The following COL19A1 variants were observed in gnomAD, a reference collection of about 807,000 sequenced individuals.
COL19A1 encodes collagen type XIX alpha 1 chain, also known as collagen alpha-1(XIX) chain.
COL19A1 carries 159 observed loss-of-function variants against 190.2 expected under a neutral mutation model. That is an observed-to-expected ratio of 0.84 (90% CI 0.73 to 0.95). The LOEUF is 0.95. Ranked by LOEUF, COL19A1 falls within the 40% of genes least tolerant of loss-of-function variation. COL19A1 has a pLI of 0.00. For missense variants in COL19A1, 1,418 were observed against 1,431.9 expected, an observed-to-expected ratio of 0.99 and a Z score of 0.16; for synonymous variants, 509 against 458.9, an observed-to-expected ratio of 1.11 and a Z score of -1.39.
intron 14 of COL19A1, among the ~76,000 whole-genome samples, chr6:70,056,847 A>T (rs1369606031): frequency 3.9e-5 from 6 of 152,212 alleles, no homozygotes; most frequent in African/African-American, 1.4e-4. Context: ...ACCTCACTCA[A>T]TTGCAAATTG....
rs541588326 is a variant in COL19A1 at position 69,894,947 on chromosome 6, G to T, written c.92-4001G>T. ...TATCTTTAAGGCTTAACTGCTGATG[G>T]AGTGGAGAGGAGGAAAGAAAAAACA... On this transcript the variant is annotated intron_variant, in intron 2 of 50. Coordinates refer to ENST00000620364, the MANE Select transcript of COL19A1 (RefSeq NM_001858.6). 2.6e-5 allele frequency among the ~76,000 whole-genome samples: 4 copies of T among 152,340 alleles called. No individual in the cohort carries two copies. The South Asian group carries it at 8.3e-4, about 32-fold the overall frequency.
Position 69,921,481 on chromosome 6 carries a change from T to TATATATTCATATATTCATATATATTC in COL19A1, c.267-6414_267-6413insTCATATATATTCATATATTCATATAT, listed in dbSNP as rs747073634. ...TATATCATATATATTCATATATTCA[T>TATATATTCATATATTCATATATATTC]ATATATTCATATATATTCATATATA... On this transcript the variant is annotated intron_variant, in intron 4 of 50. Coordinates refer to ENST00000620364, the MANE Select transcript of COL19A1 (RefSeq NM_001858.6). Among the ~76,000 whole-genome samples, 108 of 86,416 alleles carry TATATATTCATATATTCATATATATTC rather than the reference T, an allele frequency of 1.2e-3. 9 individuals carry two copies. The East Asian group carries it at 0.026, about 21-fold the overall frequency. 56.7% of individuals were successfully genotyped at this position (86,416 alleles called of 152,430 possible). A position where few individuals can be genotyped will look rare whatever the true frequency, so the allele number is the denominator to read the frequency against.
chr6:69,983,486 C>A (rs1776158560), intron 11 of COL19A1, among the ~76,000 whole-genome samples: 2 of 152,034 alleles, frequency 1.3e-5, no homozygotes, highest in African/African-American at 4.8e-5. Context: ...ATTTTACTGA[C>A]TAGGACCTCC....
rs150769009 is a variant in COL19A1, at chr6:69,899,035, A to G, written c.166+13A>G. On this transcript the variant is annotated intron_variant, in intron 3 of 50. Transcript: ENST00000620364. ...CTTGAAGTTTCAGGTAGGCAATATAATCCTTTGCAAAGTAATATTTTATGT... is the reference window on the plus strand; with the variant it reads ...CTTGAAGTTTCAGGTAGGCAATATAGTCCTTTGCAAAGTAATATTTTATGT... 1.8e-5 allele frequency: 28 copies of G among 1,551,234 alleles called. No homozygotes were observed. In the African/African-American group the frequency reaches 3.5e-4, roughly 20 times the overall value.
At chr6:70,202,098 C>T (rs1348326779) in intron 49 of COL19A1, among the ~76,000 whole-genome samples, 2 of 152,140 alleles carry the variant, frequency 1.3e-5, no homozygotes, top group Non-Finnish European at 2.9e-5. Context: ...CTCTTAATGA[C>T]ACAGCATGAC....
intron 31 of COL19A1, 97 bp downstream of exon 31, chr6:70,151,535 C>G (rs1787057555): frequency 1.7e-6 from 2 of 1,163,250 alleles, no homozygotes; most frequent in African/African-American, 1.5e-5. Context: ...TTAGCTGGAA[C>G]TAAAATTCAA....
chr6:70,119,505 G>A (rs1180967608), intron 16 of COL19A1, among the ~76,000 whole-genome samples: 1 of 152,128 alleles, frequency 6.6e-6, no homozygotes, highest in Non-Finnish European at 1.5e-5. Context: ...GTATTCTCTA[G>A]GGTACACACA....
At chr6:69,894,175 G>A (rs548402826) in intron 2 of COL19A1, among the ~76,000 whole-genome samples, 1 of 152,294 alleles carries the variant, frequency 6.6e-6, no homozygotes, top group East Asian at 1.9e-4. Flanking sequence ...ATATTTTATG[G>A]AATTTGACTC....
intron 9 of COL19A1, among the ~76,000 whole-genome samples, chr6:69,951,751 C>T (rs1274534406): frequency 6.6e-6 from 1 of 151,812 alleles, no homozygotes; most frequent in African/African-American, 2.4e-5. Context: ...CTTACAACAC[C>T]CCTGTGAGGT....
At chr6:70,119,400 A>G (rs1177103302) in intron 16 of COL19A1, among the ~76,000 whole-genome samples, 1 of 152,172 alleles carries the variant, frequency 6.6e-6, no homozygotes, top group Non-Finnish European at 1.5e-5. Context: ...TGCACCAAGC[A>G]CTGTGAAGTA....
At position 69,911,506 on chromosome 6, in the gene COL19A1, A is replaced by G. The variant is rs1427328953; in HGVS notation, c.266+11168A>G. 2.0e-5 allele frequency among the ~76,000 whole-genome samples: 3 copies of G among 152,252 alleles called. 1 individual carries two copies. The highest frequency in any genetic ancestry group is 1.3e-4 in the Admixed American group (2 of 15,288). The stretch of plus-strand genomic sequence containing the variant: ...TATATCTAAGTAATTTGGAAACATC[A>G]TAAGTTCAGTGAAAATGTTAATATG... On this transcript the variant is annotated intron_variant, in intron 4 of 50. Coordinates refer to ENST00000620364, the MANE Select transcript of COL19A1 (RefSeq NM_001858.6).
At chr6:70,026,145 A>G (rs1483919334) in intron 12 of COL19A1, among the ~76,000 whole-genome samples, 1 of 152,218 alleles carries the variant, frequency 6.6e-6, no homozygotes, top group East Asian at 1.9e-4. Flanking sequence ...CTAGAAAGAT[A>G]TTTGAGAGGT....
At chr6:70,186,754 A>G (rs531309684) in intron 46 of COL19A1, among the ~76,000 whole-genome samples, 1 of 152,190 alleles carries the variant, frequency 6.6e-6, no homozygotes, top group Non-Finnish European at 1.5e-5. Flanking sequence ...ACAAACACAT[A>G]CAGTAGTAGA....
At chr6:70,082,479 C>A (rs1250983432) in intron 15 of COL19A1, among the ~76,000 whole-genome samples, 1 of 151,996 alleles carries the variant, frequency 6.6e-6, no homozygotes, top group Non-Finnish European at 1.5e-5. Flanking sequence ...GTGGTGCGAT[C>A]TTGGCTCACT....
At chr6:70,130,308 C>T in intron 18 of COL19A1, 85 bp downstream of exon 18, 2 of 1,111,414 alleles carry the variant, frequency 1.8e-6, no homozygotes, top group Non-Finnish European at 1.3e-6. Flanking sequence ...TCACTATAAC[C>T]TCCACCTCCC....
intron 11 of COL19A1, among the ~76,000 whole-genome samples, chr6:69,990,757 C>T (rs2150073816): frequency 6.6e-6 from 1 of 152,130 alleles, no homozygotes; most frequent in South Asian, 2.1e-4. Context: ...CCAAGAGCCA[C>T]ATAATGTCTG....
At chr6:70,097,780 C>T (rs1783376235) in intron 15 of COL19A1, among the ~76,000 whole-genome samples, 1 of 152,020 alleles carries the variant, frequency 6.6e-6, no homozygotes, top group South Asian at 2.1e-4. Flanking sequence ...TGGATTAGCC[C>T]AGTTATAATA....
intron 15 of COL19A1, among the ~76,000 whole-genome samples, chr6:70,099,363 CAT>C (rs1783486046): frequency 6.6e-6 from 1 of 152,162 alleles, no homozygotes; most frequent in Admixed American, 6.6e-5. Context: ...CCTGACCTCA[CAT>C]GACAGGTTGC....
chr6:70,113,842 CTTTTTTTTTTTTTTT>C (rs34876942), intron 16 of COL19A1, among the ~76,000 whole-genome samples: 4 of 64,138 alleles, frequency 6.2e-5, no homozygotes, highest in African/African-American at 1.4e-4. Context: ...CCAAGTCTTT[CTTTTTTTTTTTTTTT>C]TTTTTTTTTT....
Sources: gnomAD v4.1 joint callset for allele counts (sites outside exome capture counted in the v4.1 genomes callset) on GRCh38, gnomAD v4.1.1 for gene constraint, MANE v1.5 for transcripts, NCBI Gene and HGNC (gene_info 2026-07-23, HGNC 2026-07-21) for gene names.